SDK1: variants seen among roughly 807,000 people sequenced by gnomAD.
SDK1 encodes the protein protein sidekick-1.
SDK1 carries 157 observed loss-of-function variants against 245.5 expected under a neutral mutation model. The observed-to-expected ratio is 0.64, with a 90% CI of 0.56 to 0.73. The LOEUF is 0.73. Ranked by LOEUF, SDK1 falls within the 30% of genes least tolerant of loss-of-function variation. The pLI is 0.00. For synonymous variants in SDK1, 1,647 were observed against 1,278.5 expected (o/e 1.29, Z -6.15); for missense variants, 3,583 against 3,002.3 (o/e 1.19, Z -4.52).
Position 4,113,391 on chromosome 7 carries a change from C to A in SDK1, c.3537C>A (p.Ser1179Arg). ...CCCCACCCGACGTGGCTCCAACCAG[C>A]GTCACGGTCCGTACTGCCAGTGAGA... Reference protein sequence around the residue: ...LQAPPDVAPTSVTVRTASETS... With the variant: ...LQAPPDVAPTRVTVRTASETS... The change falls in exon 24 of 45, where the codon AGC (serine) becomes AGA (arginine). Residue 1179 changes from serine (S) to arginine (R), a missense_variant. Coordinates refer to ENST00000404826, the MANE Select transcript of SDK1 (RefSeq NM_152744.4). The A allele has an allele frequency of 6.2e-7, 1 of 1,613,918 alleles. No homozygotes were observed. The highest frequency in any genetic ancestry group is 8.5e-7 in the Non-Finnish European group (1 of 1,180,030).
At chr7:3,363,989 C>G (rs187467223) in intron 1 of SDK1, among the ~76,000 whole-genome samples, 6 of 152,280 alleles carry the variant, frequency 3.9e-5, no homozygotes, top group Admixed American at 3.3e-4. Flanking sequence ...TTCATTTTGG[C>G]CATTCTGAGA....
At chr7:4,256,164 C>T (rs905081191) in intron 44 of SDK1, among the ~76,000 whole-genome samples, 1 of 152,194 alleles carries the variant, frequency 6.6e-6, no homozygotes, top group Non-Finnish European at 1.5e-5. Flanking sequence ...AAGTGATCCG[C>T]CTGCCTGGTC....
chr7:4,036,099 T>C (rs11975100), intron 17 of SDK1, among the ~76,000 whole-genome samples: 47,719 of 152,148 alleles, frequency 0.31, 11,728 homozygotes, highest in African/African-American at 0.69. Flanking sequence ...AGACTTTTAA[T>C]GATAACCTCT....
chr7:3,822,316 G>A (rs1451540894), intron 5 of SDK1, among the ~76,000 whole-genome samples: 7 of 152,150 alleles, frequency 4.6e-5, no homozygotes, highest in Non-Finnish European at 7.3e-5. Flanking sequence ...ATTGTCATGC[G>A]GTTGAGAAAA....
chr7:3,688,273 G>A (rs373116480), intron 4 of SDK1, among the ~76,000 whole-genome samples: 27 of 148,816 alleles, frequency 1.8e-4, no homozygotes, highest in African/African-American at 5.9e-4. Context: ...GATCCAGGAG[G>A]CTGCAGTCAA....
chr7:3,412,144 G>A (rs924849482), intron 1 of SDK1, among the ~76,000 whole-genome samples: 2 of 152,116 alleles, frequency 1.3e-5, no homozygotes, highest in East Asian at 3.8e-4. Flanking sequence ...CTAGATTTAG[G>A]GGTGTAAGAT....
At chr7:4,049,774 ACTT>A (rs1789301135) in intron 18 of SDK1, among the ~76,000 whole-genome samples, 1 of 152,194 alleles carries the variant, frequency 6.6e-6, no homozygotes, top group African/African-American at 2.4e-5. Flanking sequence ...TGCACAAACT[ACTT>A]CTTCCCAGAA....
chr7:3,691,295 C>T (rs916554762), intron 4 of SDK1, among the ~76,000 whole-genome samples: 1 of 152,106 alleles, frequency 6.6e-6, no homozygotes, highest in Non-Finnish European at 1.5e-5. Flanking sequence ...ATGAAAATGT[C>T]TTATGTTGAT....
chr7:3,686,117 C>T (rs1387855133), intron 4 of SDK1, among the ~76,000 whole-genome samples: 1 of 152,014 alleles, frequency 6.6e-6, no homozygotes, highest in African/African-American at 2.4e-5. Flanking sequence ...CTCTTGTTGC[C>T]CATGCTGGAG....
chr7:3,484,207 C>T (rs901410222), intron 1 of SDK1, among the ~76,000 whole-genome samples: 1 of 152,210 alleles, frequency 6.6e-6, no homozygotes, highest in Non-Finnish European at 1.5e-5. Context: ...TACAAAATTT[C>T]ACCTTCTGTA....
chr7:4,158,787 A>G (rs1036706536), intron 31 of SDK1, among the ~76,000 whole-genome samples: 8 of 152,228 alleles, frequency 5.3e-5, no homozygotes, highest in Non-Finnish European at 1.0e-4. Flanking sequence ...TAAAGCCCCT[A>G]CTATCCATTA....
chr7:3,875,576 C>G (rs1182792106), intron 5 of SDK1, among the ~76,000 whole-genome samples: 1 of 152,208 alleles, frequency 6.6e-6, no homozygotes, highest in East Asian at 1.9e-4. Context: ...CTCTTTATCC[C>G]CACTTCAGCT....
intron 1 of SDK1, among the ~76,000 whole-genome samples, chr7:3,338,900 AAGG>A (rs1338578073): frequency 5.9e-5 from 9 of 152,232 alleles, no homozygotes; most frequent in African/African-American, 2.2e-4. Context: ...CACAGGAAGA[AAGG>A]AGAAACAGAA....
chr7:3,313,813 TCCTA>T (rs920972274), intron 1 of SDK1, among the ~76,000 whole-genome samples: 10 of 152,344 alleles, frequency 6.6e-5, no homozygotes, highest in Admixed American at 5.9e-4. Flanking sequence ...TTTTAAGTAT[TCCTA>T]CCACAAAAAA....
Position 4,026,395 on chromosome 7 carries a change from G to C in SDK1, c.2602+9043G>C, listed in dbSNP as rs1270299686. Among the ~76,000 whole-genome samples, 1 of 152,204 alleles carries C rather than the reference G, an allele frequency of 6.6e-6. No homozygotes were observed. The highest frequency in any genetic ancestry group is 2.1e-4 in the South Asian group (1 of 4,832). On this transcript the variant is annotated intron_variant, in intron 17 of 44. Coordinates refer to ENST00000404826, the MANE Select transcript of SDK1 (RefSeq NM_152744.4). The surrounding 1 kb of genome is among the most constrained non-coding windows in gnomAD (Gnocchi z 4.1). Reference sequence around the variant, plus strand: ...AAGATATATTTTAGGAATGAAACTGGTATTTTGTGAATAGAAATAACATCT... The same window carrying C: ...AAGATATATTTTAGGAATGAAACTGCTATTTTGTGAATAGAAATAACATCT...
intron 1 of SDK1, among the ~76,000 whole-genome samples, chr7:3,535,286 A>G (rs1778845438): frequency 1.3e-5 from 2 of 152,256 alleles, no homozygotes; most frequent in South Asian, 2.1e-4. Context: ...TAAATAAAGA[A>G]AAAGAAAACT....
intron 27 of SDK1, 160 bp downstream of exon 27, chr7:4,130,257 C>T (rs734116): frequency 0.13 from 94,525 of 732,436 alleles, 14,051 homozygotes; most frequent in East Asian, 0.75. Flanking sequence ...TCACTGAGCA[C>T]TTATATGGCC....
intron 1 of SDK1, among the ~76,000 whole-genome samples, chr7:3,327,006 T>C (rs1779955665): frequency 6.6e-6 from 1 of 152,224 alleles, no homozygotes; most frequent in South Asian, 2.1e-4. Context: ...AATTTAGCTC[T>C]TAGGTTGAAT....
intron 28 of SDK1, among the ~76,000 whole-genome samples, chr7:4,141,480 C>T (rs948836383): frequency 1.3e-5 from 2 of 152,210 alleles, no homozygotes; most frequent in African/African-American, 4.8e-5. Flanking sequence ...CGTCTGTAAC[C>T]ATGCCCTGCT....
Sources: allele counts gnomAD v4.1 joint callset (sites outside exome capture counted in the v4.1 genomes callset), GRCh38; gene constraint gnomAD v4.1.1; non-coding constraint Gnocchi (gnomAD v3.1); transcripts MANE v1.5; gene names NCBI Gene and HGNC (gene_info 2026-07-23, HGNC 2026-07-21).